LARGE1: variants seen among roughly 807,000 people sequenced by gnomAD.
The protein encoded by LARGE1 is LARGE xylosyl- and glucuronyltransferase 1, also known as xylosyl- and glucuronyltransferase LARGE1.
In LARGE1, 43 loss-of-function variants were observed where a neutral mutation model predicts 87.6. That is an observed-to-expected ratio of 0.49 (90% CI 0.38 to 0.63). The LOEUF (loss-of-function observed/expected upper bound fraction) is 0.63, where lower values mean the gene tolerates loss of function less well. Among genes scored for constraint, LARGE1 ranks in the 30% least tolerant of loss-of-function variants. The probability of loss-of-function intolerance (pLI) is 0.00; values close to 1 mark genes in which losing one functional copy is unlikely to be tolerated. For synonymous variants in LARGE1, 434 were observed against 394.6 expected, an observed-to-expected ratio of 1.10 and a Z score of -1.18; for missense variants, 802 against 1,000.2, an observed-to-expected ratio of 0.80 and a Z score of 2.67.
chr22:33,391,968 A>C (rs547600704), intron 7 of LARGE1, among the ~76,000 whole-genome samples: 1 of 151,578 alleles, frequency 6.6e-6, no homozygotes, highest in Non-Finnish European at 1.5e-5. Context: ...ACAGGGTTAC[A>C]CTATGTTGGC....
chr22:33,581,811 CAAAAAA>C (rs130418), intron 5 of LARGE1, among the ~76,000 whole-genome samples: 1 of 77,402 alleles, frequency 1.3e-5, no homozygotes, highest in Non-Finnish European at 2.5e-5. Flanking sequence ...AACTCCGTCT[CAAAAAA>C]AAAAAAAAAA....
chr22:33,339,565 G>T lies in LARGE1; in HGVS notation c.1132-1764C>A, dbSNP rs544192861. Among the ~76,000 whole-genome samples the T allele has an allele frequency of 1.4e-3, 211 of 152,122 alleles. 1 individual carries two copies. Among genetic ancestry groups the T allele is most frequent in the African/African-American group, 4.9e-3 (205 of 41,496 alleles). ...GCAGGATGGGAGATGCAAAACTAGA[G>T]CCTAGGATGATGGTTAAGAGTCCGC... On this transcript the variant is annotated intron_variant, in intron 9 of 14. Transcript: ENST00000397394.
chr22:33,217,940 T>G (rs923699491), intron 11 of LARGE1, among the ~76,000 whole-genome samples: 3 of 150,240 alleles, frequency 2.0e-5, no homozygotes, highest in Non-Finnish European at 4.4e-5. Context: ...TTTTTTTTCT[T>G]TTTTTTTTAG....
chr22:33,183,835 G>A (rs1049116697), intron 11 of LARGE1, among the ~76,000 whole-genome samples: 2 of 152,022 alleles, frequency 1.3e-5, no homozygotes, highest in African/African-American at 4.8e-5. Flanking sequence ...TAGAACGGTG[G>A]TTGTCAGAGG....
intron 7 of LARGE1, among the ~76,000 whole-genome samples, chr22:33,396,107 T>C (rs1180225133): frequency 6.6e-6 from 1 of 152,236 alleles, no homozygotes; most frequent in Non-Finnish European, 1.5e-5. Context: ...TCAGTGGTTT[T>C]TGAGGCTTTG....
Position 33,273,643 on chromosome 22 carries a change from A to C in LARGE1, c.*784T>G. 1 of 398,914 alleles carries C rather than the reference A, an allele frequency of 2.5e-6. No homozygotes were observed. The highest frequency in any genetic ancestry group is 4.4e-6 in the Non-Finnish European group (1 of 226,356). The allele number at this position is 398,914 out of a possible 1,614,324, so 24.7% of individuals were successfully genotyped here. On this transcript the variant is annotated 3_prime_UTR_variant, in exon 15 of 15. Coordinates refer to ENST00000397394, the MANE Select transcript of LARGE1 (RefSeq NM_133642.5). ...CACGGGAGCCTCGGTGATCATCCTGAAGGAAGCTGCCCATGTTTAAATATC... is the reference window on the plus strand; with the variant it reads ...CACGGGAGCCTCGGTGATCATCCTGCAGGAAGCTGCCCATGTTTAAATATC...
At position 33,316,166 on chromosome 22, in the gene LARGE1, T is replaced by C; in HGVS notation, c.1370A>G (p.His457Arg). Residue 457 changes from histidine to arginine, a missense_variant, in exon 11 of 15, where the codon CAC becomes CGC. Around this residue, in one of 2 missense-constraint regions of LARGE1, gnomAD observed 625 missense variants for 841.9 expected, o/e 0.74. Coordinates refer to ENST00000397394, the MANE Select transcript of LARGE1 (RefSeq NM_133642.5). ...RRERFTVHRTHLYFLHYEYEP... is the reference protein window; with the variant it reads ...RRERFTVHRTRLYFLHYEYEP... ...ATACTCGTAGTGCAGGAAGTACAGG[T>C]GGGTGCGGTGGACAGTGAAGCGCTC... 6.2e-7 allele frequency: 1 copy of C among 1,613,910 alleles called. No homozygotes were observed. The highest frequency in any genetic ancestry group is 8.5e-7 in the Non-Finnish European group (1 of 1,179,962).
At chr22:33,793,975 A>G (rs901598109) in intron 1 of LARGE1, among the ~76,000 whole-genome samples, 18 of 152,094 alleles carry the variant, frequency 1.2e-4, no homozygotes, top group Admixed American at 6.6e-4. Flanking sequence ...TAAGTTTTCT[A>G]TAGAGCCTCT....
chr22:33,697,227 C>G (rs934188697), intron 2 of LARGE1, among the ~76,000 whole-genome samples: 3 of 152,080 alleles, frequency 2.0e-5, no homozygotes, highest in Non-Finnish European at 4.4e-5. Flanking sequence ...CCAAACTTCT[C>G]AAGTATCAAA....
intron 2 of LARGE1, among the ~76,000 whole-genome samples, chr22:33,684,572 C>T (rs1286736961): frequency 2.0e-5 from 3 of 152,136 alleles, no homozygotes; most frequent in African/African-American, 7.2e-5. Context: ...TATTGGTTGC[C>T]TGTAACTCCA....
intron 11 of LARGE1, among the ~76,000 whole-genome samples, chr22:33,253,440 C>T (rs921308772): frequency 3.3e-5 from 5 of 152,094 alleles, no homozygotes; most frequent in African/African-American, 1.2e-4. Context: ...ACAGAGATTA[C>T]ATGGCTCATG....
chr22:33,120,344 TTTC>T, the LARGE1 span, among the ~76,000 whole-genome samples: 2 of 139,774 alleles, frequency 1.4e-5, no homozygotes, highest in Admixed American at 7.0e-5. Flanking sequence ...TTTCTTTTTC[TTTC>T]TTTTCTTTCT....
At chr22:33,558,117 G>C (rs1442617335) in intron 6 of LARGE1, among the ~76,000 whole-genome samples, 3 of 152,144 alleles carry the variant, frequency 2.0e-5, no homozygotes, top group South Asian at 4.2e-4. Context: ...TCAAGTTTAG[G>C]AACTGTCAGG....
chr22:33,305,635 A>G (rs1218411696), intron 11 of LARGE1: 4 of 981,400 alleles, frequency 4.1e-6, no homozygotes. Flanking sequence ...TCTAAACAAA[A>G]GGAAATGGGC....
chr22:33,894,936 T>C (rs2065094538), intron 1 of LARGE1, among the ~76,000 whole-genome samples: 1 of 152,192 alleles, frequency 6.6e-6, no homozygotes, highest in Admixed American at 6.5e-5. Context: ...CAAAGTGGAA[T>C]GCCTGGGACA....
rs972028813 is a variant in LARGE1, at chr22:33,542,172, A to AG, written c.787+22675_787+22676insC. Among the ~76,000 whole-genome samples the AG allele has an allele frequency of 3.3e-5, 5 of 151,648 alleles. No individual in the cohort carries two copies. In the East Asian group the frequency reaches 9.6e-4, roughly 29 times the overall value. On this transcript the variant is annotated intron_variant, in intron 6 of 14. Transcript: ENST00000397394. ...AGCAAAACTCTGTCTCAAAAAAAAA[A>AG]AAAAAAAAAAAGAATAAAAGCCCAC...
intron 9 of LARGE1, among the ~76,000 whole-genome samples, chr22:33,381,507 T>G (rs752017792): frequency 2.2e-4 from 33 of 152,146 alleles, no homozygotes; most frequent in Non-Finnish European, 4.0e-4. Flanking sequence ...ACTTACTTCT[T>G]TGCACATTTC....
chr22:33,557,827 G>A (rs1406330249), intron 6 of LARGE1, among the ~76,000 whole-genome samples: 3 of 152,134 alleles, frequency 2.0e-5, no homozygotes, highest in African/African-American at 7.2e-5. Context: ...TTAGCCTCCT[G>A]AAGTGCTGGG....
chr22:33,430,470 A>G (rs930037434), intron 7 of LARGE1, among the ~76,000 whole-genome samples: 2 of 152,092 alleles, frequency 1.3e-5, no homozygotes, highest in Admixed American at 1.3e-4. Flanking sequence ...TCCAGCAACT[A>G]AAGTATTAAT....
Sources: allele counts gnomAD v4.1 joint callset (sites outside exome capture counted in the v4.1 genomes callset), GRCh38; gene constraint gnomAD v4.1.1; regional missense constraint gnomAD v4.1.1; transcripts MANE v1.5; gene names NCBI Gene and HGNC (gene_info 2026-07-23, HGNC 2026-07-21).